Variants in AP3B1 observed in about 807,000 individuals in gnomAD.
AP3B1 encodes adaptor related protein complex 3 subunit beta 1, also known as AP-3 complex subunit beta-1.
In AP3B1, 61 loss-of-function variants were observed where a neutral mutation model predicts 132.5. The ratio of observed to expected loss-of-function variants is 0.46; its 90% CI spans 0.37 to 0.57. AP3B1 has a LOEUF of 0.57. Among genes scored for constraint, AP3B1 ranks in the 20% least tolerant of loss-of-function variants. The pLI, the probability that AP3B1 is intolerant of heterozygous loss-of-function variation, is 0.00. For synonymous variants in AP3B1, 388 were observed against 438.3 expected, an observed-to-expected ratio of 0.89 and a Z score of 1.43; for missense variants, 1,120 against 1,289.4, an observed-to-expected ratio of 0.87 and a Z score of 2.01.
intron 2 of AP3B1, among the ~76,000 whole-genome samples, chr5:78,246,062 C>T (rs1220329804): frequency 6.6e-6 from 1 of 152,214 alleles, no homozygotes; most frequent in African/African-American, 2.4e-5. Context: ...ATCATGCCCT[C>T]TGCTAAGCTC....
Position 78,039,144 on chromosome 5 carries a change from T to G in AP3B1, c.2708A>C (p.Gln903Pro), listed in dbSNP as rs1240100716. 2 of 1,613,690 alleles carry G rather than the reference T, an allele frequency of 1.2e-6. No individual in the cohort carries two copies. The highest frequency in any genetic ancestry group is 1.7e-6 in the Non-Finnish European group (2 of 1,179,684). Residue 903 changes from glutamine to proline, a missense_variant, in exon 23 of 27, where the codon CAA becomes CCA. Physicochemically the swap from Gln to Pro is moderately conservative, Grantham distance 76. This residue lies in a region of AP3B1 where 906 missense variants were observed against 997.1 expected (regional missense o/e 0.91). Coordinates refer to ENST00000255194, the MANE Select transcript of AP3B1 (RefSeq NM_003664.5). ...CIFGDKMVSI[Q>P]ITLNNTTDRK... ...ATCAGTAGTGTTATTCAGTGTTATT[T>G]GTATAGAGACCATCTTATCACCAAA... is the stretch of plus-strand genomic sequence containing the variant.
At chr5:78,095,655 T>G (rs1352740376) in intron 21 of AP3B1, among the ~76,000 whole-genome samples, 1 of 152,226 alleles carries the variant, frequency 6.6e-6, no homozygotes, top group Non-Finnish European at 1.5e-5. Context: ...TCGTATGCAA[T>G]AGTTATTTGT....
chr5:78,113,068 G>A (rs557321565), intron 19 of AP3B1, among the ~76,000 whole-genome samples: 47 of 152,316 alleles, frequency 3.1e-4, no homozygotes, highest in African/African-American at 6.7e-4. Context: ...AGCGTACTGC[G>A]CCCCAATCAG....
intron 21 of AP3B1, among the ~76,000 whole-genome samples, chr5:78,093,488 G>A (rs1750623493): frequency 6.6e-6 from 1 of 152,030 alleles, no homozygotes; most frequent in South Asian, 2.1e-4. Flanking sequence ...TGGGGTGTTT[G>A]GATTACAGGT....
chr5:78,240,970 T>C (rs1747108143), intron 2 of AP3B1, 34 bp from the exon 3 acceptor site: 1 of 1,402,844 alleles, frequency 7.1e-7, no homozygotes, highest in Non-Finnish European at 1.0e-6. Flanking sequence ...ATATGGGAAA[T>C]TCTATATATA....
chr5:78,144,046 T>C (rs1035402096), intron 14 of AP3B1, among the ~76,000 whole-genome samples: 3 of 151,882 alleles, frequency 2.0e-5, no homozygotes, highest in African/African-American at 4.8e-5. Flanking sequence ...TTGTTCCCCA[T>C]GGTCTTTTTA....
chr5:78,166,893 TCTAGAAGATAACATCGGA>T (rs1216539029), intron 11 of AP3B1, among the ~76,000 whole-genome samples: 5 of 152,158 alleles, frequency 3.3e-5, no homozygotes, highest in Non-Finnish European at 7.3e-5. Flanking sequence ...CCATAAAGAT[TCTAGAAGATAACATCGGA>T]AAAACCCTTC....
At chr5:78,135,189 G>C (rs1032669190) in intron 15 of AP3B1, among the ~76,000 whole-genome samples, 1 of 152,072 alleles carries the variant, frequency 6.6e-6, no homozygotes, top group African/African-American at 2.4e-5. Context: ...CTCTCACTAA[G>C]AGTAAAAAAG....
At chr5:78,215,677 T>G (rs535901408) in intron 7 of AP3B1, among the ~76,000 whole-genome samples, 3 of 152,250 alleles carry the variant, frequency 2.0e-5, no homozygotes, top group East Asian at 3.9e-4. Context: ...ATCACCTACT[T>G]TTTTTACAAA....
chr5:78,001,426 G>C (rs1052071118), downstream of AP3B1: 2 of 152,136 alleles, frequency 1.3e-5, no homozygotes, highest in African/African-American at 2.4e-5. Flanking sequence ...CCATACATTG[G>C]TACAGAATGG....
rs192067356 is a variant in AP3B1, at chr5:78,251,674, G to T, written c.205-10738C>A. Reference sequence around the variant, plus strand: ...CCCTAGCCAGAAAGGAATCCCAGAGGTCCAAACTTGAGTCCCTGGAAAACC... The same window carrying T: ...CCCTAGCCAGAAAGGAATCCCAGAGTTCCAAACTTGAGTCCCTGGAAAACC... On this transcript the variant is annotated intron_variant, in intron 2 of 26. Transcript: ENST00000255194. Among the ~76,000 whole-genome samples, 198 of 152,334 alleles carry T rather than the reference G, an allele frequency of 1.3e-3. 2 individuals carry two copies. The highest frequency in any genetic ancestry group is 2.0e-3 in the Non-Finnish European group (138 of 68,022).
intron 18 of AP3B1, among the ~76,000 whole-genome samples, chr5:78,114,408 C>T (rs1751733378): frequency 6.6e-6 from 1 of 151,944 alleles, no homozygotes; most frequent in Admixed American, 6.6e-5. Flanking sequence ...GAAAGACCTC[C>T]AAATTCAAAG....
chr5:78,088,498 AT>A (rs1227392652), intron 22 of AP3B1, among the ~76,000 whole-genome samples: 4 of 152,058 alleles, frequency 2.6e-5, no homozygotes, highest in Admixed American at 2.6e-4. Flanking sequence ...TAAAGGAGGA[AT>A]TTTTTCCATA....
chr5:78,008,477 G>A (rs924655928), intron 26 of AP3B1, among the ~76,000 whole-genome samples: 4 of 152,140 alleles, frequency 2.6e-5, no homozygotes, highest in African/African-American at 4.8e-5. Context: ...ATTAACTGAG[G>A]TCCGCATTTG....
chr5:78,008,293 C>CTTTT (rs1746480045), intron 26 of AP3B1, among the ~76,000 whole-genome samples: 1 of 152,110 alleles, frequency 6.6e-6, no homozygotes, highest in Non-Finnish European at 1.5e-5. Flanking sequence ...ATCAAGAATA[C>CTTTT]CTTTCTTTCA....
chr5:78,242,752 T>C (rs1310353317), intron 2 of AP3B1, among the ~76,000 whole-genome samples: 1 of 152,196 alleles, frequency 6.6e-6, no homozygotes, highest in East Asian at 1.9e-4. Flanking sequence ...GAATTTCCTG[T>C]GCACTATTTT....
chr5:78,262,614 A>T (rs1464894221), intron 2 of AP3B1, among the ~76,000 whole-genome samples: 2 of 151,458 alleles, frequency 1.3e-5, no homozygotes, highest in African/African-American at 2.4e-5. Context: ...TTCCAGTACC[A>T]CAATGTCTTC....
At chr5:78,133,191 C>T (rs1344020649) in intron 15 of AP3B1, among the ~76,000 whole-genome samples, 1 of 152,228 alleles carries the variant, frequency 6.6e-6, no homozygotes, top group East Asian at 1.9e-4. Flanking sequence ...AAATACTCAT[C>T]TCTCCACCTC....
chr5:78,288,982 G>A (rs1749398036), intron 1 of AP3B1, among the ~76,000 whole-genome samples: 1 of 148,474 alleles, frequency 6.7e-6, no homozygotes, highest in Non-Finnish European at 1.5e-5. Context: ...ACAGACACTA[G>A]ATAAAATTAA....
Sources: allele counts gnomAD v4.1 joint callset (sites outside exome capture counted in the v4.1 genomes callset), GRCh38; gene constraint gnomAD v4.1.1; regional missense constraint gnomAD v4.1.1; transcripts MANE v1.5; gene names NCBI Gene and HGNC (gene_info 2026-07-23, HGNC 2026-07-21).